Variants in MAP7 observed in about 807,000 individuals in gnomAD.
MAP7 encodes ensconsin.
A neutral mutation model predicts 94.8 loss-of-function variants in MAP7; 52 were observed. The observed-to-expected ratio is 0.55, with a 90% CI of 0.44 to 0.69. The LOEUF (loss-of-function observed/expected upper bound fraction) is 0.69. Among genes scored for constraint, MAP7 ranks in the 30% least tolerant of loss-of-function variants. MAP7 has a pLI of 0.00. For synonymous variants in MAP7, 350 were observed against 357.0 expected, an observed-to-expected ratio of 0.98 and a Z score of 0.22; for missense variants, 940 against 964.6, an observed-to-expected ratio of 0.97 and a Z score of 0.34.
At chr6:136,476,951 T>C (rs958962333) in intron 1 of MAP7, among the ~76,000 whole-genome samples, 2 of 152,216 alleles carry the variant, frequency 1.3e-5, no homozygotes, top group Admixed American at 6.5e-5. Flanking sequence ...AATTAATTTT[T>C]AAAAATCACT....
chr6:136,417,589 T>C (rs1050190627), intron 2 of MAP7, among the ~76,000 whole-genome samples: 1 of 152,232 alleles, frequency 6.6e-6, no homozygotes, highest in African/African-American at 2.4e-5. Context: ...CACTAGGAGT[T>C]AGCCAAGCAT....
intron 1 of MAP7, chr6:136,526,277 G>GCACA (rs61514681): frequency 0.02 from 18,484 of 935,388 alleles, 674 homozygotes; most frequent in African/African-American, 0.18. Flanking sequence ...ACACGCGCGC[G>GCACA]CACACACACA....
intron 1 of MAP7, among the ~76,000 whole-genome samples, chr6:136,461,278 T>C (rs1805114962): frequency 6.6e-6 from 1 of 152,350 alleles, no homozygotes; most frequent in Non-Finnish European, 1.5e-5. Flanking sequence ...CTGAATGACA[T>C]ATTTAATTTT....
rs1301492192 is a variant in MAP7 at position 136,346,069 on chromosome 6, A to G, written c.2026T>C (p.Leu676=). The change falls in exon 17 of 18, where the codon TTG becomes CTG. Residue 676 remains leucine, a synonymous_variant. Transcript: ENST00000354570. ...SKVTVESTPD[L]EKQPNENGVS... is the part of the protein sequence containing the mutation. ...CCATTTTCATTTGGTTGTTTTTCCA[A>G]ATCGGGAGTGCTAAGGAATTTGAAA... The G allele has an allele frequency of 1.9e-6, 3 of 1,606,966 alleles. No individual in the cohort carries two copies. The East Asian group carries it at 6.7e-5, about 36-fold the overall frequency.
intron 1 of MAP7, among the ~76,000 whole-genome samples, chr6:136,520,558 A>G (rs1826113929): frequency 6.6e-6 from 1 of 152,172 alleles, no homozygotes; most frequent in African/African-American, 2.4e-5. Context: ...GGGTGTGTGC[A>G]TGGATGATTT....
intron 10 of MAP7, 123 bp from the exon 11 acceptor site, chr6:136,362,825 T>C: frequency 7.0e-7 from 1 of 1,420,104 alleles, no homozygotes; most frequent in South Asian, 1.5e-5. Context: ...GGAATGTTTA[T>C]TACTGTGTGT....
At chr6:136,474,711 C>T (rs1810274487) in intron 1 of MAP7, among the ~76,000 whole-genome samples, 1 of 128,230 alleles carries the variant, frequency 7.8e-6, no homozygotes, top group South Asian at 3.0e-4. Context: ...TGCTGCATGT[C>T]AATCTAAAAC....
intron 2 of MAP7, among the ~76,000 whole-genome samples, chr6:136,417,739 T>A (rs1789962598): frequency 6.6e-6 from 1 of 152,172 alleles, no homozygotes; most frequent in Non-Finnish European, 1.5e-5. Flanking sequence ...CCTGTGCCCA[T>A]CCACGCACCA....
Position 136,531,545 on chromosome 6 carries a change from G to C in MAP7, c.67+18797C>G, listed in dbSNP as rs1254536068. On this transcript the variant is annotated intron_variant, in intron 1 of 17. Transcript: ENST00000354570. ...AATGTTTTCACCAAACAGAGGCAGTGGGGAGCCACTGAAGGGTATTGATAG... is the reference window on the plus strand; with the variant it reads ...AATGTTTTCACCAAACAGAGGCAGTCGGGAGCCACTGAAGGGTATTGATAG... 1.4e-5 allele frequency among the ~76,000 whole-genome samples: 2 copies of C among 144,468 alleles called. 1 individual carries two copies. The highest frequency in any genetic ancestry group is 5.8e-5 in the African/African-American group (2 of 34,572). The allele number at this position is 144,468 out of a possible 152,430, so 94.8% of individuals were successfully genotyped here. A position where few individuals can be genotyped will look rare whatever the true frequency, so the allele number is the denominator to read the frequency against.
chr6:136,427,618 T>C (rs1793549945), intron 1 of MAP7, among the ~76,000 whole-genome samples: 1 of 152,222 alleles, frequency 6.6e-6, no homozygotes, highest in African/African-American at 2.4e-5. Flanking sequence ...TATTGCTCAA[T>C]TCTTGTTGAC....
At chr6:136,405,788 T>C (rs376923772) in intron 3 of MAP7, among the ~76,000 whole-genome samples, 1 of 152,142 alleles carries the variant, frequency 6.6e-6, no homozygotes, top group South Asian at 2.1e-4. Context: ...GCAGTGGTGG[T>C]TGTGAGAAGT....
At chr6:136,388,611 A>T in intron 4 of MAP7, 101 bp from the exon 5 acceptor site, 1 of 863,104 alleles carries the variant, frequency 1.2e-6, no homozygotes, top group Non-Finnish European at 1.9e-6. Context: ...TTCAATTCCC[A>T]CTCTACTATT....
At chr6:136,359,064 T>C (rs571964513) in intron 15 of MAP7, among the ~76,000 whole-genome samples, 1 of 152,046 alleles carries the variant, frequency 6.6e-6, no homozygotes, top group Admixed American at 6.6e-5. Context: ...GTATGAAAGA[T>C]GTACCTGATA....
intron 1 of MAP7, among the ~76,000 whole-genome samples, chr6:136,483,275 G>A (rs536822508): frequency 1.1e-3 from 161 of 152,104 alleles, no homozygotes; most frequent in African/African-American, 3.7e-3. Flanking sequence ...ATGCAGGAAC[G>A]GAAAACCAAA....
chr6:136,355,943 T>C (rs1245616698), intron 16 of MAP7, among the ~76,000 whole-genome samples: 1 of 152,178 alleles, frequency 6.6e-6, no homozygotes, highest in Non-Finnish European at 1.5e-5. Context: ...ATCCAGACTG[T>C]TTTCTAGGCT....
chr6:136,487,100 ACCATTTCTTTGC>A (rs992620980), intron 1 of MAP7, among the ~76,000 whole-genome samples: 1 of 152,144 alleles, frequency 6.6e-6, no homozygotes, highest in Non-Finnish European at 1.5e-5. Flanking sequence ...AAAATAAACC[ACCATTTCTTTGC>A]CCATGACATT....
chr6:136,526,280 C>T (rs1320593347), intron 1 of MAP7: 2 of 807,186 alleles, frequency 2.5e-6, no homozygotes, highest in East Asian at 2.2e-4. Context: ...CGCGCGCGCA[C>T]ACACACACAC....
intron 1 of MAP7, among the ~76,000 whole-genome samples, chr6:136,546,615 T>A (rs1320596667): frequency 6.6e-6 from 1 of 152,184 alleles, no homozygotes; most frequent in East Asian, 1.9e-4. Flanking sequence ...TTCACTGAAC[T>A]CCTCATAACC....
chr6:136,535,714 CT>C (rs200943172), intron 1 of MAP7, among the ~76,000 whole-genome samples: 19 of 137,204 alleles, frequency 1.4e-4, no homozygotes, highest in East Asian at 4.2e-4. Context: ...CTTTTTTTTT[CT>C]TTTTTTTTTA....
Sources: gnomAD v4.1 joint callset for allele counts (sites outside exome capture counted in the v4.1 genomes callset) on GRCh38, gnomAD v4.1.1 for gene constraint, MANE v1.5 for transcripts, NCBI Gene and HGNC (gene_info 2026-07-23, HGNC 2026-07-21) for gene names.